Variants in ZNF808 observed in about 807,000 individuals in gnomAD.
The protein encoded by ZNF808 is zinc finger protein 808.
Under a neutral mutation model 8.7 loss-of-function variants are expected in ZNF808, and 5 were observed. The ratio of observed to expected loss-of-function variants is 0.58; its 90% CI spans 0.30 to 1.21. The LOEUF (loss-of-function observed/expected upper bound fraction) is 1.21. Ranked by LOEUF, ZNF808 falls within the 50% of genes most tolerant of loss-of-function variation. The pLI, the probability that ZNF808 is intolerant of heterozygous loss-of-function variation, is 0.07. For synonymous variants in ZNF808, 380 were observed against 366.0 expected (o/e 1.04, Z -0.44); for missense variants, 1,103 against 1,098.4 (o/e 1.00, Z -0.06).
chr19:52,544,337 T>C (rs2059700968), intron 3 of ZNF808, among the ~76,000 whole-genome samples: 1 of 152,068 alleles, frequency 6.6e-6, no homozygotes, highest in African/African-American at 2.4e-5. Flanking sequence ...ATATTATGTA[T>C]GTATTTATTT....
At position 52,554,574 on chromosome 19, in the gene ZNF808, T is replaced by A; in HGVS notation, c.1658T>A (p.Val553Asp). 3 of 1,613,610 alleles carry A rather than the reference T, an allele frequency of 1.9e-6. No individual in the cohort carries two copies. The highest frequency in any genetic ancestry group is 2.5e-6 in the Non-Finnish European group (3 of 1,179,770). Residue 553 changes from valine to aspartate, a missense_variant, in exon 5 of 5, where the codon GTC (valine) becomes GAC (aspartate). By Grantham distance (152) the Val-to-Asp change is radical (BLOSUM62 -3). Coordinates refer to ENST00000359798, the MANE Select transcript of ZNF808 (RefSeq NM_001039886.4). Reference sequence around the variant, plus strand: ...AACAAGGTTTTCATGCGTAATTCAGTCCTGGCTGTACATACTAGAATTCAC... The same window carrying A: ...AACAAGGTTTTCATGCGTAATTCAGACCTGGCTGTACATACTAGAATTCAC... ...VCNKVFMRNS[V>D]LAVHTRIHTA...
chr19:52,530,491 A>G (rs1244018085), intron 1 of ZNF808, among the ~76,000 whole-genome samples: 3 of 151,954 alleles, frequency 2.0e-5, no homozygotes, highest in Non-Finnish European at 2.9e-5. Flanking sequence ...GTGAAACTCA[A>G]TCTCTACTAA....
At chr19:52,566,145 T>TTATA (rs149929472), downstream of ZNF808, among the ~76,000 whole-genome samples, 22 of 150,880 alleles carry the variant, frequency 1.5e-4, no homozygotes, top group South Asian at 1.0e-3. Context: ...GTGAAAGATT[T>TTATA]TATATATATA....
chr19:52,560,364 T>C (rs1201296175), downstream of ZNF808, among the ~76,000 whole-genome samples: 4 of 152,020 alleles, frequency 2.6e-5, no homozygotes, highest in African/African-American at 9.7e-5. Flanking sequence ...ATTATTAATA[T>C]TATTATTATT....
intron 2 of ZNF808, among the ~76,000 whole-genome samples, chr19:52,542,136 C>G (rs1410488478): frequency 2.0e-5 from 3 of 151,944 alleles, no homozygotes; most frequent in Non-Finnish European, 4.4e-5. Context: ...TCTTGTGGCC[C>G]AGGCTGGAGT....
At chr19:52,544,732 C>T (rs1297611242) in intron 3 of ZNF808, among the ~76,000 whole-genome samples, 1 of 152,090 alleles carries the variant, frequency 6.6e-6, no homozygotes. Flanking sequence ...TGATCCTCCC[C>T]TCTTGGTCTC....
At position 52,554,013 on chromosome 19, in the gene ZNF808, C is replaced by G. The variant is rs765754461; in HGVS notation, c.1097C>G (p.Thr366Ser). The G allele has an allele frequency of 1.9e-6, 3 of 1,614,104 alleles. No individual in the cohort carries two copies. Among genetic ancestry groups the G allele is most frequent in the Middle Eastern group, 3.3e-4 (2 of 6,062 alleles). ...CTTTCACGCCATCAAAGACTTCATACTGGAGTGAAACCTTACAAATGTAAG... is the reference window on the plus strand; with the variant it reads ...CTTTCACGCCATCAAAGACTTCATAGTGGAGTGAAACCTTACAAATGTAAG... ...SHLSRHQRLH[T>S]GVKPYKCKIC... is the part of the protein sequence containing the mutation. Residue 366 changes from threonine to serine, a missense_variant, in exon 5 of 5, where the codon ACT becomes AGT. Coordinates refer to ENST00000359798, the MANE Select transcript of ZNF808 (RefSeq NM_001039886.4).
chr19:52,561,206 C>CTA (rs2059856630), downstream of ZNF808, among the ~76,000 whole-genome samples: 5 of 35,336 alleles, frequency 1.4e-4, no homozygotes, highest in Non-Finnish European at 2.3e-4. Context: ...CTCTCTCTCT[C>CTA]TCTCTCTATA....
In ZNF808 at chr19:52,553,550, C is replaced by G. The variant is rs1234263493; in HGVS notation, c.634C>G (p.Pro212Ala). The change falls in exon 5 of 5, where the codon CCC becomes GCC. Residue 212 changes from proline to alanine, a missense_variant. Coordinates refer to ENST00000359798, the MANE Select transcript of ZNF808 (RefSeq NM_001039886.4). ...IHISNNYGNNPLNSSLLPQKQ... is the reference protein window; with the variant it reads ...IHISNNYGNNALNSSLLPQKQ... ...TATTTCTAATAACTATGGGAATAATCCCCTGAATTCTTCATTACTCCCACA... is the reference window on the plus strand; with the variant it reads ...TATTTCTAATAACTATGGGAATAATGCCCTGAATTCTTCATTACTCCCACA... 2 of 1,614,106 alleles carry G rather than the reference C, an allele frequency of 1.2e-6. No individual in the cohort carries two copies. The highest frequency in any genetic ancestry group is 8.5e-7 in the Non-Finnish European group (1 of 1,180,024).
At chr19:52,559,216 T>C (rs1205061546), downstream of ZNF808, among the ~76,000 whole-genome samples, 2 of 151,994 alleles carry the variant, frequency 1.3e-5, no homozygotes, top group Admixed American at 1.3e-4. Flanking sequence ...CAATGGAATG[T>C]CTCGGTGTAA....
At chr19:52,558,017 CTTTTTTTTTTTTT>C (rs66789100), downstream of ZNF808, among the ~76,000 whole-genome samples, 6 of 46,382 alleles carry the variant, frequency 1.3e-4, no homozygotes, top group Admixed American at 3.2e-4. Context: ...CTAGGTGTGG[CTTTTTTTTTTTTT>C]TTTTTTTTTT....
At chr19:52,559,056 C>G (rs1266560164), downstream of ZNF808, among the ~76,000 whole-genome samples, 1 of 152,192 alleles carries the variant, frequency 6.6e-6, no homozygotes, top group Non-Finnish European at 1.5e-5. Context: ...ATGTGATAGC[C>G]TGAGATATGG....
chr19:52,555,399 T>C lies in ZNF808; in HGVS notation c.2483T>C (p.Phe828Ser), dbSNP rs766047215. 6.2e-7 allele frequency: 1 copy of C among 1,614,140 alleles called. No individual in the cohort carries two copies. Among genetic ancestry groups the C allele is most frequent in the Non-Finnish European group, 8.5e-7 (1 of 1,180,000 alleles). Residue 828 changes from phenylalanine (F) to serine (S), a missense_variant, in exon 5 of 5, where the codon TTT becomes TCT. Coordinates refer to ENST00000359798, the MANE Select transcript of ZNF808 (RefSeq NM_001039886.4). ...PYKCNECGKA[F>S]NEQSHLSRHH... ...AAGTGTAATGAATGTGGAAAGGCTT[T>C]TAATGAACAATCACACCTTTCACGT...
chr19:52,564,140 C>T lies in ZNF808; in HGVS notation c.*1245C>T, dbSNP rs560532167. The T allele has an allele frequency of 1.4e-4, 100 of 700,642 alleles. 1 individual carries two copies. The highest frequency in any genetic ancestry group is 9.2e-4 in the Middle Eastern group (3 of 3,254). 43.4% of individuals were successfully genotyped at this position (700,642 alleles called of 1,614,324 possible). On this transcript the variant is annotated 3_prime_UTR_variant and NMD_transcript_variant, in exon 4 of 4. Coordinates refer to the ZNF808 transcript ENST00000487863. ...GCCAACAACCAAAAGTAAAATCGTCCGATTTCCCAGTGGATTCGAATGAAA... is the reference window on the plus strand; with the variant it reads ...GCCAACAACCAAAAGTAAAATCGTCTGATTTCCCAGTGGATTCGAATGAAA...
At chr19:52,536,631 G>A (rs2059614448) in intron 2 of ZNF808, among the ~76,000 whole-genome samples, 1 of 152,282 alleles carries the variant, frequency 6.6e-6, no homozygotes, top group African/African-American at 2.4e-5. Context: ...TGCCTGCCCA[G>A]CTCCACCCTC....
intron 3 of ZNF808, among the ~76,000 whole-genome samples, chr19:52,546,569 A>G (rs1431857038): frequency 1.3e-5 from 2 of 151,506 alleles, no homozygotes; most frequent in Admixed American, 6.6e-5. Context: ...ATCTTAGTTC[A>G]TCTAGAGACT....
intron 3 of ZNF808, among the ~76,000 whole-genome samples, chr19:52,544,961 T>C (rs2059707393): frequency 6.6e-6 from 1 of 152,178 alleles, no homozygotes; most frequent in South Asian, 2.1e-4. Flanking sequence ...TTATTTTGTA[T>C]TTTTAGTAGA....
chr19:52,561,836 G>A (rs971511165), intron 3 of ZNF808, among the ~76,000 whole-genome samples: 4 of 152,012 alleles, frequency 2.6e-5, no homozygotes, highest in Admixed American at 6.6e-5. Context: ...CATGAGCCAC[G>A]GTGCCTGGCT....
chr19:52,541,249 C>CT (rs762635770), intron 2 of ZNF808, among the ~76,000 whole-genome samples: 226 of 139,518 alleles, frequency 1.6e-3, no homozygotes, highest in Non-Finnish European at 1.9e-3. Context: ...CCCGCCTGGC[C>CT]TTTTTTTTTT....
Sources: gnomAD v4.1 joint callset for allele counts (sites outside exome capture counted in the v4.1 genomes callset) on GRCh38, gnomAD v4.1.1 for gene constraint, MANE v1.5 for transcripts, NCBI Gene and HGNC (gene_info 2026-07-23, HGNC 2026-07-21) for gene names.